Variants in MYO3B observed in about 807,000 individuals in gnomAD.
MYO3B encodes myosin-IIIb.
In MYO3B, 156 loss-of-function variants were observed where a neutral mutation model predicts 174.6. The ratio of observed to expected loss-of-function variants is 0.89; its 90% confidence interval spans 0.78 to 1.02. The LOEUF (loss-of-function observed/expected upper bound fraction) is 1.02, where lower values mean the gene tolerates loss of function less well. MYO3B is among the 50% of genes least tolerant of loss of function. The pLI is 0.00. For synonymous variants in MYO3B, 563 were observed against 569.1 expected (o/e 0.99, Z 0.15); for missense variants, 1,632 against 1,639.4 (o/e 1.00, Z 0.08).
intron 7 of MYO3B, among the ~76,000 whole-genome samples, chr2:170,284,476 G>A (rs1282351617): frequency 6.6e-6 from 1 of 152,138 alleles, no homozygotes; most frequent in South Asian, 2.1e-4. Flanking sequence ...GGAGAGGCAG[G>A]CAGAGTGAGG....
At chr2:170,509,342 G>T (rs1687824315) in intron 28 of MYO3B, among the ~76,000 whole-genome samples, 1 of 152,192 alleles carries the variant, frequency 6.6e-6, no homozygotes, top group Non-Finnish European at 1.5e-5. Context: ...GGGTGACACG[G>T]TGAGACCCTG....
intron 1 of MYO3B, among the ~76,000 whole-genome samples, chr2:170,192,081 TG>T: frequency 6.6e-6 from 1 of 152,186 alleles, no homozygotes; most frequent in East Asian, 1.9e-4. Context: ...TTTTTCTTCA[TG>T]ACCTGGAAAC....
intron 30 of MYO3B, among the ~76,000 whole-genome samples, chr2:170,538,536 G>A (rs565679409): frequency 1.4e-4 from 21 of 152,180 alleles, no homozygotes; most frequent in Non-Finnish European, 2.6e-4. Context: ...GGGAGATGCT[G>A]GGTATTCTCA....
At position 170,653,262 on chromosome 2, in the gene MYO3B, C is replaced by G. The variant is rs1012143715; in HGVS notation, c.*141C>G. On this transcript the variant is annotated 3_prime_UTR_variant, in exon 35 of 35. Transcript: ENST00000408978. ...TGCCTGAACCTTACTGAACCACTTG[C>G]AGATTCCAAAACATCTTATCCTATC... 3.1e-6 allele frequency: 3 copies of G among 972,816 alleles called. No homozygotes were observed. The highest frequency in any genetic ancestry group is 4.7e-6 in the Non-Finnish European group (3 of 643,866). 60.3% of individuals were successfully genotyped at this position (972,816 alleles called of 1,614,324 possible). A position where few individuals can be genotyped will look rare whatever the true frequency, so the allele number is the denominator to read the frequency against.
At chr2:170,181,668 G>A (rs1000472897) in intron 1 of MYO3B, among the ~76,000 whole-genome samples, 1 of 152,030 alleles carries the variant, frequency 6.6e-6, no homozygotes, top group Non-Finnish European at 1.5e-5. Flanking sequence ...TGAATTTTTT[G>A]TGAATGCTTT....
At chr2:170,600,190 C>G (rs1694425701) in intron 32 of MYO3B, among the ~76,000 whole-genome samples, 1 of 151,536 alleles carries the variant, frequency 6.6e-6, no homozygotes, top group Non-Finnish European at 1.5e-5. Flanking sequence ...CTCAGATGTT[C>G]AGTATTCCTC....
intron 7 of MYO3B, among the ~76,000 whole-genome samples, chr2:170,323,688 G>C (rs1233891975): frequency 6.6e-6 from 1 of 152,148 alleles, no homozygotes. Flanking sequence ...CTTCCTCATA[G>C]GGTTTATGTG....
At chr2:170,555,009 C>A (rs1486454938) in intron 32 of MYO3B, among the ~76,000 whole-genome samples, 1 of 152,000 alleles carries the variant, frequency 6.6e-6, no homozygotes. Flanking sequence ...ATCAAACATA[C>A]AATTGTTTAA....
At chr2:170,305,496 T>C (rs979420168) in intron 7 of MYO3B, among the ~76,000 whole-genome samples, 5 of 152,316 alleles carry the variant, frequency 3.3e-5, no homozygotes, top group Admixed American at 3.3e-4. Flanking sequence ...CCAACCCTTG[T>C]AGTTCTAGTT....
At chr2:170,192,145 A>G (rs2092548094) in intron 1 of MYO3B, among the ~76,000 whole-genome samples, 1 of 152,098 alleles carries the variant, frequency 6.6e-6, no homozygotes, top group South Asian at 2.1e-4. Flanking sequence ...GGAAAACATA[A>G]ATAGCATTGG....
chr2:170,551,669 C>T (rs947213621), intron 32 of MYO3B, among the ~76,000 whole-genome samples: 11 of 151,308 alleles, frequency 7.3e-5, no homozygotes, highest in East Asian at 1.9e-4. Context: ...TGTCTTAATC[C>T]CCAATCCAAT....
At chr2:170,252,072 C>T (rs2093259424) in intron 7 of MYO3B, among the ~76,000 whole-genome samples, 1 of 152,190 alleles carries the variant, frequency 6.6e-6, no homozygotes, top group Non-Finnish European at 1.5e-5. Flanking sequence ...GCATAGTTCA[C>T]CGTTCTTCCA....
chr2:170,236,861 G>A (rs1245770479), intron 7 of MYO3B, among the ~76,000 whole-genome samples: 4 of 152,212 alleles, frequency 2.6e-5, no homozygotes, highest in Admixed American at 2.6e-4. Context: ...AAGGCTCTGG[G>A]CAGGCTGGGA....
At chr2:170,236,257 TA>T in intron 7 of MYO3B, 121 bp downstream of exon 7, 3 of 1,354,344 alleles carry the variant, frequency 2.2e-6, no homozygotes, top group Non-Finnish European at 3.1e-6. Flanking sequence ...TTGTGAAATA[TA>T]TTTTCTTTGA....
At chr2:170,493,024 G>T (rs573321935) in intron 25 of MYO3B, among the ~76,000 whole-genome samples, 1 of 152,062 alleles carries the variant, frequency 6.6e-6, no homozygotes, top group African/African-American at 2.4e-5. Flanking sequence ...GCTCCCTTCC[G>T]CCCTCAAAGG....
intron 23 of MYO3B, among the ~76,000 whole-genome samples, chr2:170,445,601 C>G (rs2094835541): frequency 6.6e-6 from 1 of 151,756 alleles, no homozygotes; most frequent in South Asian, 2.1e-4. Flanking sequence ...TGGGCCTCCC[C>G]AAGTGCTGGA....
intron 7 of MYO3B, among the ~76,000 whole-genome samples, chr2:170,304,326 A>G (rs747796602): frequency 1.1e-4 from 16 of 152,102 alleles, no homozygotes; most frequent in Non-Finnish European, 2.4e-4. Context: ...TTCCAATATG[A>G]TGGATAAAAT....
intron 30 of MYO3B, among the ~76,000 whole-genome samples, chr2:170,525,843 A>G (rs532944831): frequency 1.3e-5 from 2 of 152,342 alleles, no homozygotes; most frequent in African/African-American, 2.4e-5. Context: ...AGATTGTCAC[A>G]TATCTTGACG....
intron 32 of MYO3B, among the ~76,000 whole-genome samples, chr2:170,582,662 C>T (rs1266893246): frequency 6.6e-6 from 1 of 152,138 alleles, no homozygotes; most frequent in African/African-American, 2.4e-5. Context: ...CTTCCTCTCT[C>T]AACTTTTTAT....
Sources: allele counts gnomAD v4.1 joint callset (sites outside exome capture counted in the v4.1 genomes callset), GRCh38; gene constraint gnomAD v4.1.1; transcripts MANE v1.5; gene names NCBI Gene and HGNC (gene_info 2026-07-23, HGNC 2026-07-21).